The following TRIM5 variants were observed in gnomAD, a reference collection of about 807,000 sequenced individuals.
TRIM5 encodes the protein tripartite motif-containing protein 5.
In TRIM5, 31 loss-of-function variants were observed where a neutral mutation model predicts 35.6. The ratio of observed to expected loss-of-function variants is 0.87; its 90% CI spans 0.65 to 1.18. TRIM5 has a LOEUF of 1.18. Ranked by LOEUF, TRIM5 falls within the 50% of genes most tolerant of loss-of-function variation. The pLI is 0.00. For synonymous variants in TRIM5, 243 were observed against 215.6 expected (o/e 1.13, Z -1.11); for missense variants, 609 against 591.6 (o/e 1.03, Z -0.31).
intron 6 of TRIM5, 84 bp from the exon 7 acceptor site, chr11:5,665,766 G>GT (rs1851084760): frequency 1.4e-6 from 2 of 1,475,442 alleles, no homozygotes; most frequent in African/African-American, 1.4e-5. Context: ...TAGGGAAAGA[G>GT]TAGGTATGCC....
chr11:5,606,671 T>G, the TRIM5 span, among the ~76,000 whole-genome samples: 1 of 152,204 alleles, frequency 6.6e-6, no homozygotes, highest in African/African-American at 2.4e-5. Flanking sequence ...CCCTGATACT[T>G]TCTCCTTCAC....
At chr11:5,596,823 C>G in the TRIM5 span, 1 of 1,611,580 alleles carries the variant, frequency 6.2e-7, no homozygotes, top group Non-Finnish European at 8.5e-7. Context: ...GTTTAAGGTG[C>G]CTTGGATTGC....
the TRIM5 span, among the ~76,000 whole-genome samples, chr11:5,600,768 C>T: frequency 1.3e-5 from 2 of 152,050 alleles, no homozygotes; most frequent in South Asian, 4.2e-4. Flanking sequence ...TCTGCCTGCT[C>T]CCTACGCACT....
the TRIM5 span, chr11:5,643,114 C>CAT: frequency 1.7e-4 from 82 of 492,854 alleles, 3 homozygotes; most frequent in African/African-American, 1.8e-3. Flanking sequence ...TATTCATATA[C>CAT]ATATATATAT....
In TRIM5 at chr11:5,667,675, C is replaced by A. The variant is rs1851246911; in HGVS notation, c.767+14G>T. ...CACTGCACAAAAGGACCATCTCTGT[C>A]CTCCCACACATACCTTTTTATGACG... On this transcript the variant is annotated intron_variant, in intron 5 of 7. Coordinates refer to ENST00000380034, the MANE Select transcript of TRIM5 (RefSeq NM_033034.3). 6.2e-7 allele frequency: 1 copy of A among 1,613,316 alleles called. No homozygotes were observed. The highest frequency in any genetic ancestry group is 1.3e-5 in the African/African-American group (1 of 74,936).
chr11:5,605,281 G>A, the TRIM5 span: 1 of 1,610,420 alleles, frequency 6.2e-7, no homozygotes, highest in Non-Finnish European at 8.5e-7. Context: ...GCTTTTAATA[G>A]AGGAGACCCT....
At chr11:5,613,774 T>A in the TRIM5 span, among the ~76,000 whole-genome samples, 1 of 152,218 alleles carries the variant, frequency 6.6e-6, no homozygotes, top group South Asian at 2.1e-4. Context: ...GTTCTAGGGA[T>A]GTGGTATAGT....
intron 4 of TRIM5, among the ~76,000 whole-genome samples, chr11:5,673,765 A>G (rs60425880): frequency 0.038 from 5,713 of 152,310 alleles, 261 homozygotes; most frequent in African/African-American, 0.11. Flanking sequence ...CAGAAGAAAC[A>G]TTAAAAAAAT....
At chr11:5,595,405 C>T in the TRIM5 span, 5 of 152,216 alleles carry the variant, frequency 3.3e-5, no homozygotes, top group Admixed American at 2.6e-4. Context: ...TACAGATACA[C>T]ACACACAGCT....
At chr11:5,654,294 A>T in the TRIM5 span, among the ~76,000 whole-genome samples, 2 of 152,182 alleles carry the variant, frequency 1.3e-5, no homozygotes, top group Admixed American at 1.3e-4. Flanking sequence ...CCAGTTTTAC[A>T]GATTTTCATA....
chr11:5,610,582 C>G, the TRIM5 span: 2 of 1,609,682 alleles, frequency 1.2e-6, no homozygotes, highest in Non-Finnish European at 1.7e-6. Context: ...GCCATGGCCT[C>G]TTTGGGCTGG....
chr11:5,596,762 T>G, the TRIM5 span: 266 of 1,297,962 alleles, frequency 2.0e-4, no homozygotes, highest in East Asian at 7.0e-4. Flanking sequence ...GAGTCGTGCG[T>G]GGTTGAGTTT....
At chr11:5,610,093 G>A in the TRIM5 span, 467 of 1,598,576 alleles carry the variant, frequency 2.9e-4, 1 homozygote, top group Non-Finnish European at 3.8e-4. Context: ...GATGGGTGGT[G>A]GAGGAACCCA....
downstream of TRIM5, among the ~76,000 whole-genome samples, chr11:5,662,515 T>A (rs58945302): frequency 6.6e-6 from 1 of 152,216 alleles, no homozygotes; most frequent in Non-Finnish European, 1.5e-5. Context: ...AAATGCCACA[T>A]GTACTTCTGA....
At chr11:5,600,354 A>G in the TRIM5 span, among the ~76,000 whole-genome samples, 2 of 152,340 alleles carry the variant, frequency 1.3e-5, no homozygotes, top group Non-Finnish European at 2.9e-5. Context: ...TGAATACCTA[A>G]TGGGCTTTCT....
chr11:5,610,100 C>A, the TRIM5 span: 3 of 1,607,598 alleles, frequency 1.9e-6, no homozygotes, highest in Non-Finnish European at 2.6e-6. Flanking sequence ...GGTGGAGGAA[C>A]CCACAGTCAG....
the TRIM5 span, among the ~76,000 whole-genome samples, chr11:5,650,858 C>A: frequency 7.9e-4 from 120 of 152,198 alleles, 6 homozygotes; most frequent in Non-Finnish European, 4.4e-5. Flanking sequence ...TAGGTATCTA[C>A]AGAAGATAGC....
the TRIM5 span, among the ~76,000 whole-genome samples, chr11:5,594,728 T>C: frequency 1.3e-5 from 2 of 152,134 alleles, no homozygotes; most frequent in African/African-American, 4.8e-5. Flanking sequence ...GAGAAGGGAC[T>C]CTGGGTTGGG....
At chr11:5,614,338 A>G in the TRIM5 span, among the ~76,000 whole-genome samples, 39 of 152,340 alleles carry the variant, frequency 2.6e-4, no homozygotes, top group South Asian at 1.4e-3. Flanking sequence ...TAACAGCATG[A>G]AGCTGGCAGA....
Sources: allele counts gnomAD v4.1 joint callset (sites outside exome capture counted in the v4.1 genomes callset), GRCh38; gene constraint gnomAD v4.1.1; transcripts MANE v1.5; gene names NCBI Gene and HGNC (gene_info 2026-07-23, HGNC 2026-07-21).